The following HHIP variants were observed in gnomAD, a reference collection of about 807,000 sequenced individuals.
HHIP encodes the protein hedgehog interacting protein, also known as hedgehog-interacting protein.
In HHIP, 12 loss-of-function variants were observed where a neutral mutation model predicts 74.0. The ratio of observed to expected loss-of-function variants is 0.16; its 90% CI spans 0.10 to 0.26. The LOEUF is 0.26. Among genes scored for constraint, HHIP ranks in the 10% least tolerant of loss-of-function variants. The pLI is 1.00. For synonymous variants in HHIP, 309 were observed against 311.6 expected, an observed-to-expected ratio of 0.99 and a Z score of 0.09; for missense variants, 788 against 845.0, an observed-to-expected ratio of 0.93 and a Z score of 0.84.
chr4:144,711,510 C>T (rs995524193), intron 7 of HHIP, among the ~76,000 whole-genome samples: 1 of 152,024 alleles, frequency 6.6e-6, no homozygotes, highest in African/African-American at 2.4e-5. Context: ...CCCCAACAGG[C>T]CCCAGTGTGT....
chr4:144,689,475 T>G (rs540656877), intron 4 of HHIP, among the ~76,000 whole-genome samples: 12 of 152,318 alleles, frequency 7.9e-5, no homozygotes, highest in African/African-American at 2.9e-4. Flanking sequence ...TTCCAGGACT[T>G]CTATGCTACC....
chr4:144,667,158 T>C (rs1728894511), intron 4 of HHIP, among the ~76,000 whole-genome samples: 1 of 152,054 alleles, frequency 6.6e-6, no homozygotes, highest in Non-Finnish European at 1.5e-5. Flanking sequence ...AGACCAGCTT[T>C]ATCAACATAG....
intron 11 of HHIP, among the ~76,000 whole-genome samples, chr4:144,732,354 T>C (rs1055254616): frequency 3.3e-5 from 5 of 151,780 alleles, no homozygotes; most frequent in African/African-American, 1.2e-4. Context: ...TAAATTAAAG[T>C]AAACAAGCCC....
At chr4:144,656,002 T>A (rs553764500) in intron 2 of HHIP, among the ~76,000 whole-genome samples, 1 of 152,260 alleles carries the variant, frequency 6.6e-6, no homozygotes, top group East Asian at 1.9e-4. Flanking sequence ...ATATTTGGTG[T>A]TTGTTCATTA....
intron 4 of HHIP, among the ~76,000 whole-genome samples, chr4:144,669,978 TA>T (rs34093429): frequency 0.02 from 2,648 of 135,640 alleles, 74 homozygotes; most frequent in African/African-American, 0.065. Context: ...CGTCTCTACT[TA>T]AAAAAAAAAA....
At chr4:144,654,687 G>C (rs1290520604) in intron 2 of HHIP, among the ~76,000 whole-genome samples, 2 of 152,060 alleles carry the variant, frequency 1.3e-5, no homozygotes, top group Non-Finnish European at 2.9e-5. Context: ...CCTGCCCCCA[G>C]CACAGAAGTG....
chr4:144,719,645 G>C (rs906197563), intron 11 of HHIP, among the ~76,000 whole-genome samples: 3 of 152,106 alleles, frequency 2.0e-5, no homozygotes, highest in Non-Finnish European at 4.4e-5. Context: ...GATCAAACCT[G>C]AGCTATCAGA....
intron 1 of HHIP, among the ~76,000 whole-genome samples, chr4:144,648,959 T>C (rs933859074): frequency 2.0e-5 from 3 of 152,208 alleles, no homozygotes; most frequent in Admixed American, 1.3e-4. Context: ...TTTGGTACAC[T>C]AGACTTTTGC....
Position 144,729,733 on chromosome 4 carries a change from T to C in HHIP, c.1761-5008T>C, listed in dbSNP as rs377160242. Among the ~76,000 whole-genome samples, 26 of 152,226 alleles carry C rather than the reference T, an allele frequency of 1.7e-4. No homozygotes were observed. In the East Asian group the frequency reaches 1.7e-3, roughly 10 times the overall value. On this transcript the variant is annotated intron_variant, in intron 11 of 12. Transcript: ENST00000296575. ...GGATAAAGGAGTAACACAGCTCTTATGTTACCTTCCACCCTTAAACATAAA... is the reference window on the plus strand; with the variant it reads ...GGATAAAGGAGTAACACAGCTCTTACGTTACCTTCCACCCTTAAACATAAA...
At chr4:144,725,153 T>TG (rs1730761085) in intron 11 of HHIP, among the ~76,000 whole-genome samples, 1 of 152,196 alleles carries the variant, frequency 6.6e-6, no homozygotes, top group African/African-American at 2.4e-5. Context: ...TAAAGACAGA[T>TG]TTAATGTTGC....
intron 11 of HHIP, among the ~76,000 whole-genome samples, chr4:144,723,447 A>G (rs62343971): frequency 0.01 from 1,565 of 152,228 alleles, 17 homozygotes; most frequent in Middle Eastern, 0.017. Context: ...CAAAAAAATC[A>G]CTTCATAAGA....
chr4:144,722,543 C>T (rs568506306), intron 11 of HHIP, among the ~76,000 whole-genome samples: 1 of 152,246 alleles, frequency 6.6e-6, no homozygotes, highest in South Asian at 2.1e-4. Context: ...ATAAAGACAT[C>T]TATGGAGCTT....
At chr4:144,647,692 T>TTAAC (rs74369295) in intron 1 of HHIP, among the ~76,000 whole-genome samples, 52,732 of 151,848 alleles carry the variant, frequency 0.35, 10,680 homozygotes, top group South Asian at 0.52. Context: ...GTTAATAAGT[T>TTAAC]TAAATACTAA....
intron 4 of HHIP, among the ~76,000 whole-genome samples, chr4:144,693,457 T>G (rs1265134032): frequency 1.3e-5 from 2 of 152,110 alleles, no homozygotes; most frequent in African/African-American, 4.8e-5. Context: ...GAGCTTTTAT[T>G]CATTGAAATC....
rs1032052510 is a variant in HHIP, at chr4:144,742,546, TAAG to T, written c.*4593_*4595del. On this transcript the variant is annotated 3_prime_UTR_variant, in exon 13 of 13. Transcript: ENST00000296575. ...TTATTCCAAATCTGTGAGGAAAAAA[TAAG>T]AAGCAGTTCCTCAATGGAGACTTTA... The T allele has an allele frequency of 4.0e-5, 6 of 151,688 alleles. No individual in the cohort carries two copies. The highest frequency in any genetic ancestry group is 1.5e-4 in the African/African-American group (6 of 41,294). 9.4% of individuals were successfully genotyped at this position (151,688 alleles called of 1,614,324 possible).
rs1221275946 is a variant in HHIP, at chr4:144,646,846, C to G, written c.171C>G (p.Ser57=). ...RLKRRDRRMM[S]QLELLSGGEM... is the part of the protein sequence containing the mutation. ...AAAGGAGAGACAGGAGGATGATGTC[C>G]CAGCTGGAGCTGCTGAGTGGGGGAG... Residue 57 remains serine, a synonymous_variant, in exon 1 of 13, where the codon TCC becomes TCG. Coordinates refer to ENST00000296575, the MANE Select transcript of HHIP (RefSeq NM_022475.3). 1.2e-6 allele frequency: 2 copies of G among 1,614,096 alleles called. No homozygotes were observed. The highest frequency in any genetic ancestry group is 3.3e-5 in the Admixed American group (2 of 59,998).
rs1389668137 is a variant in HHIP at position 144,715,403 on chromosome 4, A to C, written c.1651A>C (p.Ile551Leu). 11 of 1,613,374 alleles carry C rather than the reference A, an allele frequency of 6.8e-6. No homozygotes were observed. The highest frequency in any genetic ancestry group is 9.3e-6 in the Non-Finnish European group (11 of 1,179,538). Residue 551 changes from isoleucine to leucine, a missense_variant, in exon 10 of 13, where the codon ATC becomes CTC. Coordinates refer to ENST00000296575, the MANE Select transcript of HHIP (RefSeq NM_022475.3). ...GSCRGYFSGH[I>L]LGFGEDELGE... ...CTGTAGAGGCTACTTTTCCGGTCAC[A>C]TCTTGGGATTTGGAGAAGATGAACT...
chr4:144,723,220 C>A (rs1017867912), intron 11 of HHIP, among the ~76,000 whole-genome samples: 2 of 152,110 alleles, frequency 1.3e-5, no homozygotes, highest in Non-Finnish European at 2.9e-5. Flanking sequence ...GTCACACAGA[C>A]CATTCCCTTA....
rs1247350945 is a variant in HHIP at position 144,744,632 on chromosome 4, T to C, written c.*6675T>C. 1 of 152,236 alleles carries C rather than the reference T, an allele frequency of 6.6e-6. No individual in the cohort carries two copies. The highest frequency in any genetic ancestry group is 2.4e-5 in the African/African-American group (1 of 41,456). 9.4% of individuals were successfully genotyped at this position (152,236 alleles called of 1,614,324 possible). ...TTTCTCTGAATTTGAACTTATTTGATTTATTTAACCAAGTTATTATAATAT... is the reference window on the plus strand; with the variant it reads ...TTTCTCTGAATTTGAACTTATTTGACTTATTTAACCAAGTTATTATAATAT... On this transcript the variant is annotated 3_prime_UTR_variant, in exon 13 of 13. Transcript: ENST00000296575.
Sources: allele counts gnomAD v4.1 joint callset (sites outside exome capture counted in the v4.1 genomes callset), GRCh38; gene constraint gnomAD v4.1.1; transcripts MANE v1.5; gene names NCBI Gene and HGNC (gene_info 2026-07-23, HGNC 2026-07-21).